IL22RA2: variants seen among roughly 807,000 people sequenced by gnomAD.
IL22RA2 encodes the protein interleukin 22 receptor subunit alpha 2.
A neutral mutation model predicts 30.7 loss-of-function variants in IL22RA2; 39 were observed. The ratio of observed to expected loss-of-function variants is 1.27; its 90% confidence interval spans 0.98 to 1.66. IL22RA2 has a LOEUF of 1.66. Among genes scored for constraint, IL22RA2 ranks in the 40% most tolerant of loss-of-function variants. The pLI, the probability that IL22RA2 is intolerant of heterozygous loss-of-function variation, is 0.00. For missense variants in IL22RA2, 315 were observed against 312.7 expected, an observed-to-expected ratio of 1.01 and a Z score of -0.05; for synonymous variants, 103 against 105.0, an observed-to-expected ratio of 0.98 and a Z score of 0.11.
chr6:137,164,803 T>C (rs1778596168), intron 1 of IL22RA2, among the ~76,000 whole-genome samples: 1 of 152,142 alleles, frequency 6.6e-6, no homozygotes, highest in African/African-American at 2.4e-5. Context: ...CAGAATGAAG[T>C]CCAAGGGGGA....
At chr6:137,167,896 G>A (rs1375411215) in intron 1 of IL22RA2, among the ~76,000 whole-genome samples, 2 of 152,224 alleles carry the variant, frequency 1.3e-5, no homozygotes, top group Non-Finnish European at 2.9e-5. Context: ...AAGCTGACTA[G>A]TCTATGCATG....
intron 5 of IL22RA2, among the ~76,000 whole-genome samples, chr6:137,150,407 C>T (rs1778265059): frequency 6.6e-6 from 1 of 151,398 alleles, no homozygotes; most frequent in South Asian, 2.1e-4. Flanking sequence ...TATTCTTCTA[C>T]TAAGAGGCCC....
intron 5 of IL22RA2, among the ~76,000 whole-genome samples, chr6:137,153,283 C>T (rs372085575): frequency 1.4e-4 from 21 of 151,994 alleles, no homozygotes; most frequent in Admixed American, 2.0e-4. Context: ...ATATATTTGT[C>T]GCTCAGAAAT....
Position 137,145,413 on chromosome 6 carries a change from A to G in IL22RA2, c.*211T>C. On this transcript the variant is annotated 3_prime_UTR_variant, in exon 7 of 7. Coordinates refer to ENST00000296980, the MANE Select transcript of IL22RA2 (RefSeq NM_052962.3). ...TTCTCTGCCTCATCTTTACATTTCA[A>G]TTTTTCGGGGGGAATGTCGTTCAAA... 4 of 443,800 alleles carry G rather than the reference A, an allele frequency of 9.0e-6. No homozygotes were observed. Among genetic ancestry groups the G allele is most frequent in the Non-Finnish European group, 1.6e-5 (4 of 256,026 alleles). The allele number at this position is 443,800 out of a possible 1,614,324, so 27.5% of individuals were successfully genotyped here.
chr6:137,158,649 T>C (rs1028112134), intron 2 of IL22RA2, among the ~76,000 whole-genome samples, 167 bp from the exon 3 acceptor site: 11 of 152,170 alleles, frequency 7.2e-5, no homozygotes, highest in Admixed American at 2.0e-4. Flanking sequence ...TTCAATGCAA[T>C]GATTTTGATG....
intron 1 of IL22RA2, among the ~76,000 whole-genome samples, chr6:137,162,666 T>C (rs997436474): frequency 6.6e-6 from 1 of 152,210 alleles, no homozygotes; most frequent in Admixed American, 6.5e-5. Flanking sequence ...ACTAAAATTA[T>C]ACATGAAAGA....
intron 5 of IL22RA2, among the ~76,000 whole-genome samples, chr6:137,148,253 G>GTT (rs1004834707): frequency 6.6e-6 from 1 of 150,966 alleles, no homozygotes; most frequent in African/African-American, 2.4e-5. Flanking sequence ...TTGGTTTTGG[G>GTT]TTTTTTTTTG....
chr6:137,161,293 G>A (rs1406397538), intron 2 of IL22RA2, among the ~76,000 whole-genome samples: 1 of 152,174 alleles, frequency 6.6e-6, no homozygotes, highest in Admixed American at 6.5e-5. Context: ...TGATAGCTTG[G>A]CTTAGGAGCC....
At chr6:137,151,277 C>A (rs1269456041) in intron 5 of IL22RA2, among the ~76,000 whole-genome samples, 1 of 152,138 alleles carries the variant, frequency 6.6e-6, no homozygotes, top group African/African-American at 2.4e-5. Context: ...CGTCTATGGT[C>A]TATTGATTTT....
At chr6:137,165,382 G>A (rs893664419) in intron 1 of IL22RA2, among the ~76,000 whole-genome samples, 42 of 152,280 alleles carry the variant, frequency 2.8e-4, no homozygotes, top group African/African-American at 9.9e-4. Flanking sequence ...GAAGTTAGAA[G>A]GGTTTGAAGG....
At chr6:137,169,406 T>C (rs1221706000) in intron 1 of IL22RA2, among the ~76,000 whole-genome samples, 1 of 152,188 alleles carries the variant, frequency 6.6e-6, no homozygotes, top group African/African-American at 2.4e-5. Flanking sequence ...TATCAATTAC[T>C]AACCGATAAA....
chr6:137,160,459 C>G (rs1196555660), intron 2 of IL22RA2, among the ~76,000 whole-genome samples: 2 of 152,182 alleles, frequency 1.3e-5, no homozygotes, highest in Non-Finnish European at 2.9e-5. Context: ...TGTACCCAGA[C>G]AGTCTGAGTG....
In IL22RA2 at chr6:137,147,885, A is replaced by T. The variant is rs764795532; in HGVS notation, c.479T>A (p.Ile160Lys). 6.2e-7 allele frequency: 1 copy of T among 1,607,942 alleles called. No homozygotes were observed. Residue 160 changes from isoleucine (I) to lysine (K), a missense_variant, in exon 6 of 7, where the codon ATA (isoleucine) becomes AAA (lysine). By Grantham distance (102) the Ile-to-Lys change is moderately radical. Transcript: ENST00000296980. ...PRFTPWWETKIDPPVMNITQV... is the reference protein window; with the variant it reads ...PRFTPWWETKKDPPVMNITQV... ...GGTTATATTCATGACTGGAGGATCTATTTTTGCTGAAGAAAAAACATAAAA... is the reference window on the plus strand; with the variant it reads ...GGTTATATTCATGACTGGAGGATCTTTTTTTGCTGAAGAAAAAACATAAAA...
rs1169110980 is a variant in IL22RA2 at position 137,144,123 on chromosome 6, C to A, written c.*1501G>T. Reference sequence around the variant, plus strand: ...ACTACTCTTAATTCATCGCCCTCTCCACAAAAGGACAAAAGGCAAAAAAGG... The same window carrying A: ...ACTACTCTTAATTCATCGCCCTCTCAACAAAAGGACAAAAGGCAAAAAAGG... On this transcript the variant is annotated 3_prime_UTR_variant, in exon 7 of 7. Transcript: ENST00000296980. The A allele has an allele frequency of 6.6e-6, 1 of 152,198 alleles. No individual in the cohort carries two copies. Among genetic ancestry groups the A allele is most frequent in the Non-Finnish European group, 1.5e-5 (1 of 68,022 alleles). 9.4% of individuals were successfully genotyped at this position (152,198 alleles called of 1,614,324 possible). A position where few individuals can be genotyped will look rare whatever the true frequency, so the allele number is the denominator to read the frequency against.
At chr6:137,146,848 T>C (rs1222555097) in intron 6 of IL22RA2, among the ~76,000 whole-genome samples, 1 of 151,222 alleles carries the variant, frequency 6.6e-6, no homozygotes, top group Non-Finnish European at 1.5e-5. Flanking sequence ...CAAAAAAACA[T>C]AGCTGGGCAT....
At chr6:137,169,720 A>G (rs924267879) in intron 1 of IL22RA2, among the ~76,000 whole-genome samples, 1 of 152,222 alleles carries the variant, frequency 6.6e-6, no homozygotes, top group Non-Finnish European at 1.5e-5. Flanking sequence ...ATTATAGTCA[A>G]TGAAACAGCC....
chr6:137,147,620 AGAG>A, intron 6 of IL22RA2, 99 bp downstream of exon 6: 1 of 946,366 alleles, frequency 1.1e-6, no homozygotes, highest in South Asian at 1.9e-5. Flanking sequence ...AGGAAAAGTA[AGAG>A]GAGGCAGAGT....
intron 5 of IL22RA2, among the ~76,000 whole-genome samples, chr6:137,153,346 C>T (rs959535915): frequency 2.0e-5 from 3 of 152,100 alleles, no homozygotes; most frequent in African/African-American, 7.2e-5. Flanking sequence ...GTTTGAGAGA[C>T]GTCTTGTGAA....
chr6:137,168,424 CT>C (rs914673745), intron 1 of IL22RA2, among the ~76,000 whole-genome samples: 14 of 152,190 alleles, frequency 9.2e-5, no homozygotes, highest in African/African-American at 3.4e-4. Flanking sequence ...CAAGTATTCA[CT>C]TACGCGCATA....
Sources: gnomAD v4.1 joint callset for allele counts (sites outside exome capture counted in the v4.1 genomes callset) on GRCh38, gnomAD v4.1.1 for gene constraint, MANE v1.5 for transcripts, NCBI Gene and HGNC (gene_info 2026-07-23, HGNC 2026-07-21) for gene names.